CNTN5: variants seen among roughly 807,000 people sequenced by gnomAD.
CNTN5 encodes the protein contactin 5.
CNTN5 carries 77 observed loss-of-function variants against 129.1 expected under a neutral mutation model. That is an observed-to-expected ratio of 0.60 (90% CI 0.50 to 0.72). CNTN5 has a LOEUF of 0.72. CNTN5 is among the 30% of genes least tolerant of loss of function. The pLI is 0.00. For missense variants in CNTN5, 1,478 were observed against 1,328.8 expected (o/e 1.11, Z -1.75); for synonymous variants, 509 against 465.6 (o/e 1.09, Z -1.20).
At chr11:99,147,482 C>A (rs1365204843) in intron 1 of CNTN5, among the ~76,000 whole-genome samples, 5 of 152,114 alleles carry the variant, frequency 3.3e-5, no homozygotes. Context: ...CTGAAATGTG[C>A]AGCTAAATTT....
intron 3 of CNTN5, among the ~76,000 whole-genome samples, chr11:99,669,512 GATA>G (rs1952948306): frequency 6.6e-6 from 1 of 151,486 alleles, no homozygotes; most frequent in Non-Finnish European, 1.5e-5. Context: ...TTTTATGCTA[GATA>G]ATATTCATGA....
chr11:100,180,635 A>G (rs1398394388), intron 13 of CNTN5, among the ~76,000 whole-genome samples: 4 of 152,038 alleles, frequency 2.6e-5, no homozygotes, highest in Admixed American at 6.6e-5. Context: ...GGTACTTATC[A>G]ATCAAAATTA....
intron 2 of CNTN5, among the ~76,000 whole-genome samples, chr11:99,448,834 G>T (rs980865586): frequency 6.7e-6 from 1 of 149,938 alleles, no homozygotes; most frequent in African/African-American, 2.5e-5. Flanking sequence ...CTGGAGAGTG[G>T]TGGTGTGATC....
intron 3 of CNTN5, among the ~76,000 whole-genome samples, chr11:99,586,538 G>C (rs966936808): frequency 6.6e-6 from 1 of 152,072 alleles, no homozygotes; most frequent in Non-Finnish European, 1.5e-5. Context: ...ATCTTATACA[G>C]ATAAAATGAG....
chr11:99,581,893 G>A (rs536453778), intron 3 of CNTN5, among the ~76,000 whole-genome samples: 18 of 152,240 alleles, frequency 1.2e-4, no homozygotes, highest in African/African-American at 3.4e-4. Context: ...TATTTTGCTC[G>A]TTAGTTGATG....
At chr11:99,683,559 CTTGG>C (rs1404152866) in intron 3 of CNTN5, among the ~76,000 whole-genome samples, 5 of 151,782 alleles carry the variant, frequency 3.3e-5, no homozygotes, top group Non-Finnish European at 5.9e-5. Context: ...AATCTTTTTA[CTTGG>C]TTGGCCACTT....
intron 1 of CNTN5, among the ~76,000 whole-genome samples, chr11:99,042,475 A>C (rs901246341): frequency 1.4e-5 from 2 of 143,470 alleles, no homozygotes; most frequent in African/African-American, 5.2e-5. Context: ...TCCTGGGTTC[A>C]CACCATTCTC....
At chr11:99,321,146 A>G (rs955776645) in intron 1 of CNTN5, among the ~76,000 whole-genome samples, 4 of 151,698 alleles carry the variant, frequency 2.6e-5, no homozygotes, top group Non-Finnish European at 5.9e-5. Flanking sequence ...CAGCTTGCCA[A>G]TTGCACATCT....
At chr11:99,337,012 G>A (rs963638332) in intron 2 of CNTN5, among the ~76,000 whole-genome samples, 1 of 151,946 alleles carries the variant, frequency 6.6e-6, no homozygotes, top group Non-Finnish European at 1.5e-5. Context: ...GTCACATAAG[G>A]ACACATACAG....
chr11:99,338,874 G>C (rs1866356787), intron 2 of CNTN5, among the ~76,000 whole-genome samples: 1 of 137,358 alleles, frequency 7.3e-6, no homozygotes, highest in Admixed American at 7.1e-5. Flanking sequence ...TTTTCTAAGA[G>C]TTTTGTTGGT....
chr11:99,205,336 C>A (rs1215075087), intron 1 of CNTN5, among the ~76,000 whole-genome samples: 3 of 152,100 alleles, frequency 2.0e-5, no homozygotes, highest in Non-Finnish European at 4.4e-5. Context: ...CCATAACCCT[C>A]CCCCTCTAGA....
intron 3 of CNTN5, among the ~76,000 whole-genome samples, chr11:99,671,624 T>C (rs887704303): frequency 6.6e-6 from 1 of 152,196 alleles, no homozygotes; most frequent in Non-Finnish European, 1.5e-5. Context: ...TTATCGAATT[T>C]TTTGGAAACA....
chr11:99,910,299 G>A (rs746895082), intron 6 of CNTN5, among the ~76,000 whole-genome samples: 4 of 151,932 alleles, frequency 2.6e-5, no homozygotes, highest in Non-Finnish European at 5.9e-5. Flanking sequence ...TGGCTTTTCT[G>A]TCAAGGTACC....
At chr11:100,119,350 C>A (rs988471269) in intron 13 of CNTN5, among the ~76,000 whole-genome samples, 18 of 151,832 alleles carry the variant, frequency 1.2e-4, no homozygotes, top group African/African-American at 4.3e-4. Flanking sequence ...ATGCAAACAG[C>A]TGCATGATTA....
chr11:100,196,900 T>C (rs1296637020), intron 15 of CNTN5, among the ~76,000 whole-genome samples: 1 of 152,032 alleles, frequency 6.6e-6, no homozygotes, highest in East Asian at 1.9e-4. Context: ...ACAAGCTAAA[T>C]GCTGTTGGGG....
chr11:99,709,566 A>G (rs941364123), intron 3 of CNTN5, among the ~76,000 whole-genome samples: 2 of 151,892 alleles, frequency 1.3e-5, no homozygotes, highest in Non-Finnish European at 2.9e-5. Context: ...AAACCTCACC[A>G]GAACAACAGA....
chr11:99,293,693 A>AT (rs1448843767), intron 1 of CNTN5, among the ~76,000 whole-genome samples: 1 of 151,946 alleles, frequency 6.6e-6, no homozygotes. Flanking sequence ...TAGGCTTTCC[A>AT]TTTTTTTGGT....
intron 3 of CNTN5, among the ~76,000 whole-genome samples, chr11:99,695,318 C>T (rs138988630): frequency 2.6e-5 from 4 of 151,904 alleles, no homozygotes; most frequent in East Asian, 3.9e-4. Flanking sequence ...CAAGCAGGCC[C>T]ACAAGCAGGG....
At chr11:99,534,226 G>T (rs1360488718) in intron 2 of CNTN5, among the ~76,000 whole-genome samples, 1 of 152,074 alleles carries the variant, frequency 6.6e-6, no homozygotes, top group Non-Finnish European at 1.5e-5. Flanking sequence ...TAAAAATACA[G>T]TATTTTCAAG....
Sources: allele counts gnomAD v4.1 joint callset (sites outside exome capture counted in the v4.1 genomes callset), GRCh38; gene constraint gnomAD v4.1.1; transcripts MANE v1.5; gene names NCBI Gene and HGNC (gene_info 2026-07-23, HGNC 2026-07-21).